The following SLC25A21 variants were observed in gnomAD, a reference collection of about 807,000 sequenced individuals.
The protein encoded by SLC25A21 is mitochondrial 2-oxodicarboxylate carrier.
Under a neutral mutation model 43.8 loss-of-function variants are expected in SLC25A21, and 47 were observed. The ratio of observed to expected loss-of-function variants is 1.07; its 90% CI spans 0.85 to 1.37. SLC25A21 has a LOEUF of 1.37. SLC25A21 is among the 40% of genes most tolerant of loss of function. The pLI is 0.00. For missense variants in SLC25A21, 352 were observed against 350.2 expected (o/e 1.00, Z -0.04); for synonymous variants, 131 against 121.3 (o/e 1.08, Z -0.52).
intron 1 of SLC25A21, among the ~76,000 whole-genome samples, chr14:36,989,082 T>C (rs1043708804): frequency 2.0e-5 from 3 of 152,226 alleles, no homozygotes; most frequent in Admixed American, 2.0e-4. Flanking sequence ...TCATGTTGTA[T>C]GTATATGCAG....
At chr14:37,071,726 T>A (rs1962177260) in intron 1 of SLC25A21, among the ~76,000 whole-genome samples, 1 of 152,208 alleles carries the variant, frequency 6.6e-6, no homozygotes, top group Non-Finnish European at 1.5e-5. Flanking sequence ...TGTATAAGCA[T>A]GCTTTCAAGA....
chr14:36,996,662 G>A (rs1960378677), intron 1 of SLC25A21, among the ~76,000 whole-genome samples: 1 of 152,060 alleles, frequency 6.6e-6, no homozygotes, highest in Non-Finnish European at 1.5e-5. Context: ...CAGAAGCAAT[G>A]AAACTGGAAC....
chr14:36,691,212 C>T (rs576125223), intron 7 of SLC25A21, among the ~76,000 whole-genome samples: 2 of 152,162 alleles, frequency 1.3e-5, no homozygotes, highest in Non-Finnish European at 2.9e-5. Flanking sequence ...TGTGCACTTG[C>T]CTCTCAGGGC....
At chr14:36,694,694 C>T (rs1882941209) in intron 7 of SLC25A21, among the ~76,000 whole-genome samples, 1 of 152,162 alleles carries the variant, frequency 6.6e-6, no homozygotes, top group Admixed American at 6.5e-5. Flanking sequence ...TATCTGTTGG[C>T]TGCATAAATG....
intron 1 of SLC25A21, among the ~76,000 whole-genome samples, chr14:37,061,049 C>G (rs1259148848): frequency 6.6e-6 from 1 of 152,124 alleles, no homozygotes; most frequent in East Asian, 1.9e-4. Context: ...GAAGAAAAAG[C>G]CCTCTCCCTG....
intron 1 of SLC25A21, among the ~76,000 whole-genome samples, chr14:36,978,407 T>C (rs1395261155): frequency 6.6e-6 from 1 of 152,174 alleles, no homozygotes; most frequent in Non-Finnish European, 1.5e-5. Flanking sequence ...ATATCTTAAT[T>C]AAAAATATTT....
intron 6 of SLC25A21, among the ~76,000 whole-genome samples, chr14:36,713,748 C>T (rs1594515563): frequency 6.6e-6 from 1 of 152,014 alleles, no homozygotes; most frequent in Non-Finnish European, 1.5e-5. Flanking sequence ...TTTTGGGAGG[C>T]GGAGGCAGGA....
At chr14:36,875,821 GACT>G (rs1486152674) in intron 1 of SLC25A21, among the ~76,000 whole-genome samples, 1 of 152,122 alleles carries the variant, frequency 6.6e-6, no homozygotes, top group African/African-American at 2.4e-5. Context: ...GAGCAGAGAA[GACT>G]ACTCAATTAT....
intron 1 of SLC25A21, among the ~76,000 whole-genome samples, chr14:36,919,182 A>G (rs1375214329): frequency 6.6e-6 from 1 of 152,136 alleles, no homozygotes; most frequent in Non-Finnish European, 1.5e-5. Flanking sequence ...CTTCTTTACC[A>G]TATCTATTAC....
intron 1 of SLC25A21, among the ~76,000 whole-genome samples, chr14:37,160,248 A>T (rs1440950066): frequency 1.3e-5 from 2 of 152,230 alleles, no homozygotes; most frequent in Non-Finnish European, 2.9e-5. Context: ...TCCACATATC[A>T]AAGTGATAGC....
rs189539652 is a variant in SLC25A21, at chr14:37,078,925, G to T, written c.70+93356C>A. ...CCACAACAGAACAGACTATGGTTTG[G>T]GATTTGTATGACTTCACTTGAGGTA... is the stretch of plus-strand genomic sequence containing the variant. On this transcript the variant is annotated intron_variant, in intron 1 of 9. Coordinates refer to ENST00000331299, the MANE Select transcript of SLC25A21 (RefSeq NM_030631.4). Among the ~76,000 whole-genome samples the T allele has an allele frequency of 1.1e-3, 161 of 151,974 alleles. 1 individual carries two copies. The highest frequency in any genetic ancestry group is 2.1e-3 in the Non-Finnish European group (146 of 67,966).
intron 7 of SLC25A21, among the ~76,000 whole-genome samples, chr14:36,686,408 T>C (rs774733145): frequency 4.6e-5 from 7 of 152,170 alleles, no homozygotes; most frequent in Non-Finnish European, 1.0e-4. Context: ...CTCTCCATTA[T>C]GGCACAGAAG....
At position 36,821,380 on chromosome 14, in the gene SLC25A21, G is replaced by A. The variant is rs560705188; in HGVS notation, c.120-7379C>T. On this transcript the variant is annotated intron_variant, in intron 2 of 9. Coordinates refer to ENST00000331299, the MANE Select transcript of SLC25A21 (RefSeq NM_030631.4). ...TTTTTTAGCAAGTACTGGGCAGGGTGGGGTGGGGGATGCCTTCCTTCTAAC... is the reference window on the plus strand; with the variant it reads ...TTTTTTAGCAAGTACTGGGCAGGGTAGGGTGGGGGATGCCTTCCTTCTAAC... Among the ~76,000 whole-genome samples, 68 of 152,250 alleles carry A rather than the reference G, an allele frequency of 4.5e-4. No homozygotes were observed. The Middle Eastern group carries it at 0.014, about 30-fold the overall frequency.
rs1339948289 is a variant in SLC25A21, at chr14:37,060,420, AATAATG to A, written c.70+111855_70+111860del. ...TAATAATAATAATAATAATAATAAT[AATAATG>A]ATGTAACCCAAGAGAAGTAGGGCAT... On this transcript the variant is annotated intron_variant, in intron 1 of 9. Transcript: ENST00000331299. Among the ~76,000 whole-genome samples, 226 of 138,842 alleles carry A rather than the reference AATAATG, an allele frequency of 1.6e-3. 2 individuals carry two copies. The highest frequency in any genetic ancestry group is 1.5e-3 in the South Asian group (7 of 4,650). 91.1% of individuals were successfully genotyped at this position (138,842 alleles called of 152,430 possible). A position where few individuals can be genotyped will look rare whatever the true frequency, so the allele number is the denominator to read the frequency against.
chr14:37,165,986 G>A (rs537011042), intron 1 of SLC25A21, among the ~76,000 whole-genome samples: 29 of 152,276 alleles, frequency 1.9e-4, no homozygotes, highest in African/African-American at 6.0e-4. Context: ...ATATGCAGGG[G>A]CTGCTGAGAC....
At chr14:36,862,428 C>A (rs1000646064) in intron 2 of SLC25A21, among the ~76,000 whole-genome samples, 1 of 152,086 alleles carries the variant, frequency 6.6e-6, no homozygotes, top group Non-Finnish European at 1.5e-5. Context: ...ACTATGCAGC[C>A]ATAAAAAAGA....
At chr14:36,761,373 C>T (rs1325536) in intron 3 of SLC25A21, among the ~76,000 whole-genome samples, 25,864 of 152,204 alleles carry the variant, frequency 0.17, 2,661 homozygotes, top group East Asian at 0.38. Flanking sequence ...GCTGTGACTG[C>T]GCTCCTCTCT....
intron 2 of SLC25A21, among the ~76,000 whole-genome samples, chr14:36,821,464 T>C (rs1030019361): frequency 2.6e-5 from 4 of 152,152 alleles, no homozygotes; most frequent in Non-Finnish European, 5.9e-5. Flanking sequence ...ATGTGAATGG[T>C]AGTTTTTAAA....
At chr14:37,153,918 A>C (rs1963802093) in intron 1 of SLC25A21, among the ~76,000 whole-genome samples, 1 of 152,116 alleles carries the variant, frequency 6.6e-6, no homozygotes, top group Non-Finnish European at 1.5e-5. Context: ...GTCAACATGA[A>C]CACACACCAC....
Sources: allele counts gnomAD v4.1 joint callset (sites outside exome capture counted in the v4.1 genomes callset), GRCh38; gene constraint gnomAD v4.1.1; transcripts MANE v1.5; gene names NCBI Gene and HGNC (gene_info 2026-07-23, HGNC 2026-07-21).